Variants in CFDP1 observed in about 807,000 individuals in gnomAD.
The protein encoded by CFDP1 is chromatin remodeling protein CFDP1.
CFDP1 carries 31 observed loss-of-function variants against 40.1 expected under a neutral mutation model. The ratio of observed to expected loss-of-function variants is 0.77; its 90% confidence interval spans 0.58 to 1.04. The LOEUF is 1.04. CFDP1 is among the 50% of genes least tolerant of loss of function. The pLI, the probability that CFDP1 is intolerant of heterozygous loss-of-function variation, is 0.00. For synonymous variants in CFDP1, 167 were observed against 120.0 expected (o/e 1.39, Z -2.56); for missense variants, 423 against 343.4 (o/e 1.23, Z -1.83).
intron 4 of CFDP1, among the ~76,000 whole-genome samples, chr16:75,409,733 C>G (rs1238894592): frequency 6.6e-6 from 1 of 151,610 alleles, no homozygotes; most frequent in Non-Finnish European, 1.5e-5. Context: ...ATGGTTCAGC[C>G]AAAACAAAAG....
intron 1 of CFDP1, among the ~76,000 whole-genome samples, chr16:75,430,980 G>A (rs551903894): frequency 1.3e-5 from 2 of 152,262 alleles, no homozygotes; most frequent in African/African-American, 4.8e-5. Flanking sequence ...CATTCAGATG[G>A]TTGGGGGCGC....
intron 4 of CFDP1, among the ~76,000 whole-genome samples, chr16:75,401,278 A>G (rs2079050504): frequency 6.6e-6 from 1 of 151,950 alleles, no homozygotes; most frequent in African/African-American, 2.4e-5. Flanking sequence ...AATACAAAAT[A>G]TTAGCCAGGC....
intron 5 of CFDP1, among the ~76,000 whole-genome samples, chr16:75,363,210 A>G (rs906868792): frequency 5.3e-5 from 8 of 152,012 alleles, no homozygotes; most frequent in Non-Finnish European, 1.2e-4. Flanking sequence ...TGTAACAACC[A>G]AAGAATGACA....
At chr16:75,420,646 T>A (rs2079267561) in intron 1 of CFDP1, among the ~76,000 whole-genome samples, 1 of 152,202 alleles carries the variant, frequency 6.6e-6, no homozygotes, top group South Asian at 2.1e-4. Context: ...TTGAGTATGA[T>A]CTATATATAA....
At chr16:75,349,658 A>G (rs2078594960) in intron 5 of CFDP1, among the ~76,000 whole-genome samples, 1 of 13,624 alleles carries the variant, frequency 7.3e-5, no homozygotes, top group African/African-American at 5.5e-4. Context: ...CTCAAAAAAA[A>G]AAAAAAAAAA....
chr16:75,400,563 T>C (rs1398655660), intron 4 of CFDP1, among the ~76,000 whole-genome samples: 1 of 152,176 alleles, frequency 6.6e-6, no homozygotes, highest in Non-Finnish European at 1.5e-5. Context: ...TACCACAGGC[T>C]ACTGCTCTAC....
chr16:75,412,722 T>A lies in CFDP1; in HGVS notation c.215A>T (p.Glu72Val). ...KRRQGGLSLE[E>V]EEEEDANSES... Reference sequence around the variant, plus strand: ...TGAATTGGCATCCTCCTCTTCCTCTTCTTCTAATGAGAGGCCACCTTGTCT... The same window carrying A: ...TGAATTGGCATCCTCCTCTTCCTCTACTTCTAATGAGAGGCCACCTTGTCT... The change falls in exon 3 of 7, where the codon GAA becomes GTA. Residue 72 changes from glutamate to valine, a missense_variant. Coordinates refer to ENST00000283882, the MANE Select transcript of CFDP1 (RefSeq NM_006324.3). The A allele has an allele frequency of 6.2e-7, 1 of 1,613,836 alleles. No homozygotes were observed. Among genetic ancestry groups the A allele is most frequent in the Non-Finnish European group, 8.5e-7 (1 of 1,179,940 alleles).
At chr16:75,395,957 G>C (rs2078992689) in intron 4 of CFDP1, among the ~76,000 whole-genome samples, 1 of 123,274 alleles carries the variant, frequency 8.1e-6, no homozygotes, top group African/African-American at 2.7e-5. Flanking sequence ...TCCCTGCCTA[G>C]GCTTTCCAGG....
chr16:75,294,542 A>G (rs755380225), intron 6 of CFDP1, among the ~76,000 whole-genome samples: 1 of 152,222 alleles, frequency 6.6e-6, no homozygotes, highest in African/African-American at 2.4e-5. Flanking sequence ...TGAAGGAAAG[A>G]AGACAGTAAA....
chr16:75,312,333 T>C (rs1273302686), intron 5 of CFDP1, among the ~76,000 whole-genome samples: 1 of 152,178 alleles, frequency 6.6e-6, no homozygotes, highest in Non-Finnish European at 1.5e-5. Context: ...GTTCCAAAGA[T>C]TTTTAAACCT....
In CFDP1 at chr16:75,305,061, C is replaced by T; in HGVS notation, c.772G>A (p.Gly258Ser). 1 of 1,614,148 alleles carries T rather than the reference C, an allele frequency of 6.2e-7. No homozygotes were observed. The highest frequency in any genetic ancestry group is 8.5e-7 in the Non-Finnish European group (1 of 1,180,022). Residue 258 changes from glycine to serine, a missense_variant, in exon 6 of 7, where the codon GGT (glycine) becomes AGT (serine). Gly to Ser is a moderately conservative substitution (Grantham distance 56). Coordinates refer to ENST00000283882, the MANE Select transcript of CFDP1 (RefSeq NM_006324.3). The part of the protein sequence containing the change: ...WESFKEEEGI[G>S]EELAIHNRGK... ...CGATTATGGATGGCCAGTTCTTCAC[C>T]AATCCCCTCTTCCTCCTTGAAGCTC...
chr16:75,356,121 T>C (rs747006252), intron 5 of CFDP1, among the ~76,000 whole-genome samples: 14 of 152,352 alleles, frequency 9.2e-5, no homozygotes, highest in Non-Finnish European at 1.9e-4. Flanking sequence ...TCTAGGATAG[T>C]GAATTCTTTC....
At chr16:75,388,853 T>C (rs1273480059) in intron 5 of CFDP1, among the ~76,000 whole-genome samples, 3 of 152,116 alleles carry the variant, frequency 2.0e-5, no homozygotes, top group Non-Finnish European at 4.4e-5. Flanking sequence ...CTGTGTCTTC[T>C]ATCTTTGGGG....
intron 6 of CFDP1, among the ~76,000 whole-genome samples, chr16:75,299,249 A>G (rs540134688): frequency 6.6e-6 from 1 of 152,288 alleles, no homozygotes; most frequent in East Asian, 1.9e-4. Flanking sequence ...CTGGATGGAA[A>G]CATCATTCTG....
At chr16:75,370,097 CTTT>C (rs530812447) in intron 5 of CFDP1, among the ~76,000 whole-genome samples, 1 of 142,126 alleles carries the variant, frequency 7.0e-6, no homozygotes. Context: ...TTATTTATTA[CTTT>C]TTTTTTTTTG....
At chr16:75,320,379 CGAA>C (rs1206725576) in intron 5 of CFDP1, among the ~76,000 whole-genome samples, 1 of 151,560 alleles carries the variant, frequency 6.6e-6, no homozygotes, top group Non-Finnish European at 1.5e-5. Context: ...GGCTGGCAAA[CGAA>C]GAAGGTCTGC....
rs117173183 is a variant in CFDP1 at position 75,383,797 on chromosome 16, A to T, written c.650+11293T>A. 1.4e-3 allele frequency among the ~76,000 whole-genome samples: 208 copies of T among 148,104 alleles called. 6 individuals are homozygous for T. The East Asian group carries it at 0.039, about 28-fold the overall frequency. On this transcript the variant is annotated intron_variant, in intron 5 of 6. Transcript: ENST00000283882. ...TCGTGCCACTGCACTCTAGCCTGGC[A>T]AAAGAGCGAGACTCCGTCTTAAAAA...
chr16:75,375,078 C>G (rs2078782048), intron 5 of CFDP1, among the ~76,000 whole-genome samples: 1 of 151,068 alleles, frequency 6.6e-6, no homozygotes. Flanking sequence ...CTAAATGTGT[C>G]CATATATGAA....
At chr16:75,407,204 C>T (rs974233744) in intron 4 of CFDP1, among the ~76,000 whole-genome samples, 1 of 152,056 alleles carries the variant, frequency 6.6e-6, no homozygotes, top group Admixed American at 6.6e-5. Flanking sequence ...GAGTTAGCTC[C>T]TGTCTCTCAA....
Sources: gnomAD v4.1 joint callset for allele counts (sites outside exome capture counted in the v4.1 genomes callset) on GRCh38, gnomAD v4.1.1 for gene constraint, MANE v1.5 for transcripts, NCBI Gene and HGNC (gene_info 2026-07-23, HGNC 2026-07-21) for gene names.